CASR: variants seen among roughly 807,000 people sequenced by gnomAD.
The protein encoded by CASR is calcium sensing receptor.
CASR carries 23 observed loss-of-function variants against 69.1 expected under a neutral mutation model. The observed-to-expected ratio is 0.33, with a 90% CI of 0.24 to 0.47. The LOEUF is 0.47. Ranked by LOEUF, CASR falls within the 20% of genes least tolerant of loss-of-function variation. The probability of loss-of-function intolerance (pLI) is 1.00; values close to 1 mark genes in which losing one functional copy is unlikely to be tolerated. For synonymous variants in CASR, 541 were observed against 544.7 expected (o/e 0.99, Z 0.10); for missense variants, 924 against 1,356.1 (o/e 0.68, Z 5.00).
chr3:122,243,565 G>T (rs2074398986), intron 1 of CASR, among the ~76,000 whole-genome samples: 1 of 151,982 alleles, frequency 6.6e-6, no homozygotes, highest in Admixed American at 6.6e-5. Flanking sequence ...ACTCTCATAC[G>T]CTGTTGGTGG....
intron 1 of CASR, among the ~76,000 whole-genome samples, chr3:122,232,719 G>A (rs1434804119): frequency 6.6e-6 from 1 of 152,152 alleles, no homozygotes; most frequent in Non-Finnish European, 1.5e-5. Context: ...TTCAAGGTGA[G>A]AGTCTTCAAT....
chr3:122,199,645 T>C (rs980480908), intron 1 of CASR, among the ~76,000 whole-genome samples: 1 of 152,048 alleles, frequency 6.6e-6, no homozygotes, highest in Non-Finnish European at 1.5e-5. Flanking sequence ...AATGTGAGGG[T>C]TTAAAAAAAC....
intron 1 of CASR, among the ~76,000 whole-genome samples, chr3:122,228,310 T>G (rs1371471727): frequency 3.3e-5 from 5 of 152,256 alleles, no homozygotes; most frequent in Non-Finnish European, 7.3e-5. Flanking sequence ...TTCATAAATT[T>G]GTTTTTTAAT....
rs1038867011 is a variant in CASR at position 122,287,231 on chromosome 3, A to G, written c.*2040A>G. 6.6e-6 allele frequency: 1 copy of G among 152,260 alleles called. No individual in the cohort carries two copies. The highest frequency in any genetic ancestry group is 1.5e-5 in the Non-Finnish European group (1 of 68,052). 9.4% of individuals were successfully genotyped at this position (152,260 alleles called of 1,614,324 possible). A position where few individuals can be genotyped will look rare whatever the true frequency, so the allele number is the denominator to read the frequency against. ...CTTCTCCCTCCAGGGTTTGACTTCA[A>G]TGTCCATGTCACCCAAGGGGCTTTA... On this transcript the variant is annotated 3_prime_UTR_variant, in exon 7 of 7. Coordinates refer to ENST00000639785, the MANE Select transcript of CASR (RefSeq NM_000388.4).
chr3:122,211,478 C>T (rs1459140219), intron 1 of CASR, among the ~76,000 whole-genome samples: 1 of 152,196 alleles, frequency 6.6e-6, no homozygotes, highest in Non-Finnish European at 1.5e-5. Context: ...GAGGCCAAGG[C>T]AGGTGGATCA....
chr3:122,184,933 G>C (rs1421296903), intron 1 of CASR, among the ~76,000 whole-genome samples: 1 of 152,196 alleles, frequency 6.6e-6, no homozygotes. Flanking sequence ...GAGGGCCACA[G>C]AGTCAGCTCT....
intron 1 of CASR, among the ~76,000 whole-genome samples, chr3:122,231,129 A>G (rs936364476): frequency 3.3e-5 from 5 of 152,150 alleles, no homozygotes; most frequent in Non-Finnish European, 7.3e-5. Flanking sequence ...TAGAAGTGAG[A>G]AGTGTGTCCT....
chr3:122,235,536 T>A (rs1041892514), intron 1 of CASR, among the ~76,000 whole-genome samples: 2 of 152,242 alleles, frequency 1.3e-5, no homozygotes, highest in Admixed American at 6.5e-5. Flanking sequence ...CTGTTGTGTA[T>A]CCATTCAAAA....
In CASR at chr3:122,289,866, T is replaced by C. The variant is rs10737945; in HGVS notation, c.*4675T>C. 140,020 of 152,182 alleles carry C rather than the reference T, an allele frequency of 0.92. 64,711 individuals carry two copies. Among genetic ancestry groups the C allele is most frequent in the East Asian group, 0.98 (5,060 of 5,158 alleles). The allele number at this position is 152,182 out of a possible 1,614,324, so 9.4% of individuals were successfully genotyped here. A position where few individuals can be genotyped will look rare whatever the true frequency, so the allele number is the denominator to read the frequency against. On this transcript the variant is annotated 3_prime_UTR_variant, in exon 7 of 7. Transcript: ENST00000639785. ...TGAGGTGGGAGGATCACTTGAGCCCTAAGAGTTGAAGACCAGCCTGGGCAA... is the reference window on the plus strand; with the variant it reads ...TGAGGTGGGAGGATCACTTGAGCCCCAAGAGTTGAAGACCAGCCTGGGCAA...
intron 1 of CASR, among the ~76,000 whole-genome samples, chr3:122,222,047 ACTGGCTGACAGCTTT>A (rs1200992772): frequency 6.6e-6 from 1 of 152,238 alleles, no homozygotes; most frequent in Non-Finnish European, 1.5e-5. Flanking sequence ...AAAAGAGAGA[ACTGGCTGACAGCTTT>A]CTGCCAATAT....
At chr3:122,259,966 C>T (rs1420709545) in intron 3 of CASR, among the ~76,000 whole-genome samples, 1 of 152,208 alleles carries the variant, frequency 6.6e-6, no homozygotes. Context: ...AGTTTAAAAT[C>T]TCTCTGGAAA....
chr3:122,234,308 C>G (rs906588876), intron 1 of CASR, among the ~76,000 whole-genome samples: 1 of 152,214 alleles, frequency 6.6e-6, no homozygotes, highest in African/African-American at 2.4e-5. Flanking sequence ...TTAGGCATGA[C>G]TGTATTTCAG....
At chr3:122,253,268 T>TTTCA (rs1453685506) in intron 1 of CASR, among the ~76,000 whole-genome samples, 1 of 152,154 alleles carries the variant, frequency 6.6e-6, no homozygotes, top group Admixed American at 6.5e-5. Context: ...TGAGACAGAG[T>TTTCA]TTCACTCTTG....
chr3:122,205,671 A>T, intron 1 of CASR, among the ~76,000 whole-genome samples: 1 of 152,032 alleles, frequency 6.6e-6, no homozygotes, highest in East Asian at 1.9e-4. Context: ...TTGTCACTTT[A>T]ACAATAACAA....
intron 4 of CASR, among the ~76,000 whole-genome samples, chr3:122,271,413 C>T (rs1174739223): frequency 6.6e-6 from 1 of 152,204 alleles, no homozygotes; most frequent in Non-Finnish European, 1.5e-5. Flanking sequence ...CTCCTGCCTA[C>T]TCTTTATCTC....
rs745320706 is a variant in CASR, at chr3:122,262,459, T to C, written c.1377+47T>C. The C allele has an allele frequency of 3.8e-6, 6 of 1,563,750 alleles. No individual in the cohort carries two copies. In the African/African-American group the frequency reaches 5.4e-5, roughly 14 times the overall value. ...CAATTTGCTGTATAATAAAGCAGAG[T>C]TGGGCTGCAACTCCAGGCAAGAAAA... is the stretch of plus-strand genomic sequence containing the variant. On this transcript the variant is annotated intron_variant, in intron 4 of 6. Transcript: ENST00000639785.
At chr3:122,235,346 C>A (rs1391181848) in intron 1 of CASR, among the ~76,000 whole-genome samples, 1 of 152,150 alleles carries the variant, frequency 6.6e-6, no homozygotes, top group African/African-American at 2.4e-5. Context: ...GGTTAGTGGC[C>A]ATTTTCTCTA....
intron 4 of CASR, among the ~76,000 whole-genome samples, chr3:122,266,879 C>G (rs2074701123): frequency 6.6e-6 from 1 of 152,138 alleles, no homozygotes; most frequent in African/African-American, 2.4e-5. Context: ...TGGCAGGCAC[C>G]TGTAGTCCCA....
chr3:122,213,183 C>T (rs867743188), intron 1 of CASR, among the ~76,000 whole-genome samples: 1 of 152,192 alleles, frequency 6.6e-6, no homozygotes, highest in Non-Finnish European at 1.5e-5. Context: ...AATGCTTTTA[C>T]ACCATCACAT....
Sources: allele counts gnomAD v4.1 joint callset (sites outside exome capture counted in the v4.1 genomes callset), GRCh38; gene constraint gnomAD v4.1.1; transcripts MANE v1.5; gene names NCBI Gene and HGNC (gene_info 2026-07-23, HGNC 2026-07-21).